The following LTBP2 variants were observed in gnomAD, a reference collection of about 807,000 sequenced individuals.
LTBP2 encodes the protein latent transforming growth factor beta binding protein 2, also known as latent-transforming growth factor beta-binding protein 2.
A neutral mutation model predicts 210.6 loss-of-function variants in LTBP2; 103 were observed. The ratio of observed to expected loss-of-function variants is 0.49; its 90% confidence interval spans 0.42 to 0.58. The LOEUF (loss-of-function observed/expected upper bound fraction) is 0.58, where lower values mean the gene tolerates loss of function less well. LTBP2 is among the 20% of genes least tolerant of loss of function. The pLI is 0.00. For missense variants in LTBP2, 2,313 were observed against 2,494.5 expected (o/e 0.93, Z 1.55); for synonymous variants, 1,007 against 1,015.0 (o/e 0.99, Z 0.15).
intron 2 of LTBP2, among the ~76,000 whole-genome samples, chr14:74,599,296 C>T (rs1371427321): frequency 6.6e-6 from 1 of 152,196 alleles, no homozygotes; most frequent in Admixed American, 6.5e-5. Flanking sequence ...ACTTGCCTGC[C>T]CCCTCCTCGA....
chr14:74,585,322 A>AGAG (rs779761624), intron 3 of LTBP2, among the ~76,000 whole-genome samples: 4 of 152,232 alleles, frequency 2.6e-5, no homozygotes. Flanking sequence ...GACCACAGGC[A>AGAG]GAGGAGGAGG....
At chr14:74,581,656 G>A (rs1350854128) in intron 3 of LTBP2, among the ~76,000 whole-genome samples, 1 of 152,098 alleles carries the variant, frequency 6.6e-6, no homozygotes, top group African/African-American at 2.4e-5. Flanking sequence ...AATGAGCGAG[G>A]AAACCGAGCC....
In LTBP2 at chr14:74,528,464, T is replaced by C; in HGVS notation, c.2368+19A>G. 6 of 1,611,430 alleles carry C rather than the reference T, an allele frequency of 3.7e-6. No individual in the cohort carries two copies. The highest frequency in any genetic ancestry group is 5.1e-6 in the Non-Finnish European group (6 of 1,179,838). ...AGGGGAAAGGAAAATCCCTCAGGCA[T>C]CTCCCCCAGCTCAGATACCCTTGTC... On this transcript the variant is annotated intron_variant, in intron 12 of 35. Transcript: ENST00000261978.
intron 3 of LTBP2, among the ~76,000 whole-genome samples, chr14:74,582,861 TCTAAA>T (rs953397279): frequency 6.6e-6 from 1 of 152,182 alleles, no homozygotes; most frequent in African/African-American, 2.4e-5. Flanking sequence ...GAAGTGCTGG[TCTAAA>T]CCACTGCTTT....
chr14:74,509,790 G>A lies in LTBP2; in HGVS notation c.3221C>T (p.Ala1074Val), dbSNP rs1210402564. 2 of 1,614,106 alleles carry A rather than the reference G, an allele frequency of 1.2e-6. No homozygotes were observed. The highest frequency in any genetic ancestry group is 1.1e-5 in the South Asian group (1 of 91,086). ...GLCLNTEGSF[A>V]CSACENGYWV... is the part of the protein sequence containing the mutation. ...GTACCCGTTCTCACAGGCAGAGCAG[G>A]CGAAGGAGCCCTCCGTGTTGAGGCA... Residue 1074 changes from alanine to valine, a missense_variant, in exon 21 of 36, where the codon GCC becomes GTC. By Grantham distance (64) the Ala-to-Val change is moderately conservative. Coordinates refer to ENST00000261978, the MANE Select transcript of LTBP2 (RefSeq NM_000428.3).
rs1308738816 is a variant in LTBP2 at position 74,516,130 on chromosome 14, GATTT to G, written c.2908+688_2908+691del. The stretch of plus-strand genomic sequence containing the variant: ...CCAGGTTCTTCTTGGACTGCGCCTG[GATTT>G]ACCCTCATTTCTTCCTGTCCCAGCC... On this transcript the variant is annotated intron_variant, in intron 18 of 35. Transcript: ENST00000261978. Among the ~76,000 whole-genome samples, 6 of 152,202 alleles carry G rather than the reference GATTT, an allele frequency of 3.9e-5. No homozygotes were observed. The East Asian group carries it at 1.2e-3, about 29-fold the overall frequency.
intron 3 of LTBP2, among the ~76,000 whole-genome samples, chr14:74,585,623 C>T (rs1213243341): frequency 2.6e-5 from 4 of 152,172 alleles, no homozygotes; most frequent in Non-Finnish European, 1.5e-5. Flanking sequence ...AAAGACTTCG[C>T]TTCCCTCCTC....
At chr14:74,541,144 G>A (rs1165836661) in intron 8 of LTBP2, among the ~76,000 whole-genome samples, 1 of 151,246 alleles carries the variant, frequency 6.6e-6, no homozygotes, top group East Asian at 1.9e-4. Context: ...CCCTGCCCAA[G>A]TCACAGCACT....
intron 3 of LTBP2, among the ~76,000 whole-genome samples, chr14:74,570,733 C>T (rs1305646188): frequency 5.9e-5 from 9 of 152,154 alleles, no homozygotes; most frequent in Admixed American, 5.9e-4. Flanking sequence ...TGCTAACTTG[C>T]CCGGGGTCAT....
At position 74,516,870 on chromosome 14, in the gene LTBP2, A is replaced by T. The variant is rs547636858; in HGVS notation, c.2860T>A (p.Cys954Ser). 72 of 1,551,910 alleles carry T rather than the reference A, an allele frequency of 4.6e-5. No homozygotes were observed. The Admixed American group carries it at 4.9e-4, about 11-fold the overall frequency. The change falls in exon 18 of 36, where the codon TGC becomes AGC. Residue 954 changes from cysteine (C) to serine (S), a missense_variant. Physicochemically the swap from Cys to Ser is moderately radical, Grantham distance 112 (BLOSUM62 -1). This residue lies in a region of LTBP2 where 1,867 missense variants were observed against 1,976.9 expected (regional missense o/e 0.94). Coordinates refer to ENST00000261978, the MANE Select transcript of LTBP2 (RefSeq NM_000428.3). ...ATGATGTAGCCCTGATCACACTCGC[A>T]GTGGTACGAGCCCTCGGTGTTGGTG... ...QCTNTEGSYHCECDQGYIMVR... is the reference protein window; with the variant it reads ...QCTNTEGSYHSECDQGYIMVR...
intron 8 of LTBP2, among the ~76,000 whole-genome samples, chr14:74,539,979 G>A (rs1040739252): frequency 6.6e-6 from 1 of 152,288 alleles, no homozygotes; most frequent in South Asian, 2.1e-4. Flanking sequence ...GGAGTGTGTT[G>A]CGTGGGCAAT....
chr14:74,522,070 G>C, intron 16 of LTBP2, 31 bp from the exon 17 acceptor site: 1 of 1,602,244 alleles, frequency 6.2e-7, no homozygotes, highest in Non-Finnish European at 8.5e-7. Flanking sequence ...AGGGAGGTCA[G>C]GGGGGCCAGC....
At position 74,551,345 on chromosome 14, in the gene LTBP2, C is replaced by G; in HGVS notation, c.1405G>C (p.Val469Leu). 1 of 1,568,760 alleles carries G rather than the reference C, an allele frequency of 6.4e-7. No homozygotes were observed. Among genetic ancestry groups the G allele is most frequent in the East Asian group, 2.3e-5 (1 of 44,068 alleles). ...TLPLSNQLAS[V>L]NPSLVKVHIH... ...TGCACCTTCACCAGGGAGGGGTTCA[C>G]GGAGGCTGGGCACAGGGGCTAGAGT... Residue 469 changes from valine to leucine, a missense_variant, in exon 7 of 36, where the codon GTG (valine) becomes CTG (leucine). Physicochemically the swap from Val to Leu is conservative, Grantham distance 32. Coordinates refer to ENST00000261978, the MANE Select transcript of LTBP2 (RefSeq NM_000428.3).
chr14:74,601,869 G>A (rs1292731881), intron 2 of LTBP2, among the ~76,000 whole-genome samples: 3 of 152,152 alleles, frequency 2.0e-5, no homozygotes, highest in Non-Finnish European at 4.4e-5. Context: ...CCCTCCTACC[G>A]AGAAGGGCCT....
At chr14:74,603,775 C>G in intron 1 of LTBP2, 70 bp from the exon 2 acceptor site, 1 of 1,299,538 alleles carries the variant, frequency 7.7e-7, no homozygotes, top group Non-Finnish European at 1.1e-6. Context: ...GCCCCTCCGA[C>G]AGTCCCACCT....
At chr14:74,509,935 G>T (rs910883055) in intron 20 of LTBP2, 76 bp from the exon 21 acceptor site, 16 of 1,611,820 alleles carry the variant, frequency 9.9e-6, no homozygotes, top group Admixed American at 5.0e-5. Context: ...AGGCAGGGGT[G>T]GGGGAAGGAC....
chr14:74,543,525 C>CCTTA lies in LTBP2; in HGVS notation c.1789+6337_1789+6338insTAAG. Among the ~76,000 whole-genome samples, 2 of 120,980 alleles carry CCTTA rather than the reference C, an allele frequency of 1.7e-5. 1 individual carries two copies. Among genetic ancestry groups the CCTTA allele is most frequent in the African/African-American group, 1.2e-4 (2 of 16,614 alleles). 79.4% of individuals were successfully genotyped at this position (120,980 alleles called of 152,430 possible). A position where few individuals can be genotyped will look rare whatever the true frequency, so the allele number is the denominator to read the frequency against. ...TAGAGCCTGCCTGCCTGCCTGCCTG[C>CCTTA]CTTCCCTCCCTTTTTCCTCCCTCCC... On this transcript the variant is annotated intron_variant, in intron 8 of 35. Coordinates refer to ENST00000261978, the MANE Select transcript of LTBP2 (RefSeq NM_000428.3).
intron 3 of LTBP2, among the ~76,000 whole-genome samples, chr14:74,579,510 G>A (rs2088107855): frequency 6.6e-6 from 1 of 152,220 alleles, no homozygotes; most frequent in East Asian, 1.9e-4. Context: ...GCCAAAAAGT[G>A]CCAACAGGGC....
In LTBP2 at chr14:74,552,406, C is replaced by G; in HGVS notation, c.1193-13G>C. 1 of 1,601,730 alleles carries G rather than the reference C, an allele frequency of 6.2e-7. No homozygotes were observed. The highest frequency in any genetic ancestry group is 8.5e-7 in the Non-Finnish European group (1 of 1,179,540). ...ATCTGGCAGAAATCTGCAACATCAA[C>G]CCTCAAGGTAACCAGCGGTGGAAGA... On this transcript the variant is annotated splice_polypyrimidine_tract_variant and intron_variant, in intron 5 of 35. Coordinates refer to ENST00000261978, the MANE Select transcript of LTBP2 (RefSeq NM_000428.3).
Sources: gnomAD v4.1 joint callset for allele counts (sites outside exome capture counted in the v4.1 genomes callset) on GRCh38, gnomAD v4.1.1 for gene constraint, gnomAD v4.1.1 regional missense constraint, MANE v1.5 for transcripts, NCBI Gene and HGNC (gene_info 2026-07-23, HGNC 2026-07-21) for gene names.